Variants in KCNN2 observed in about 807,000 individuals in gnomAD.
KCNN2 encodes the protein small conductance calcium-activated potassium channel protein 2.
In KCNN2, 24 loss-of-function variants were observed where a neutral mutation model predicts 55.5. That is an observed-to-expected ratio of 0.43 (90% CI 0.31 to 0.61). The LOEUF (loss-of-function observed/expected upper bound fraction) is 0.61. Ranked by LOEUF, KCNN2 falls within the 20% of genes least tolerant of loss-of-function variation. KCNN2 has a pLI of 0.08. For synonymous variants in KCNN2, 431 were observed against 336.1 expected (o/e 1.28, Z -3.09); for missense variants, 754 against 853.6 (o/e 0.88, Z 1.45).
intron 3 of KCNN2, among the ~76,000 whole-genome samples, chr5:114,454,645 A>G (rs1053189659): frequency 6.6e-6 from 1 of 152,180 alleles, no homozygotes; most frequent in Admixed American, 6.5e-5. Flanking sequence ...TAAGGCCCCA[A>G]ACATTTCTTC....
chr5:114,148,110 C>A (rs550649453), intron 1 of KCNN2, among the ~76,000 whole-genome samples: 3 of 152,170 alleles, frequency 2.0e-5, no homozygotes, highest in Admixed American at 6.5e-5. Context: ...CCATTCATAT[C>A]TAGCTGTAGG....
At chr5:114,486,978 T>G in intron 5 of KCNN2, 72 bp from the exon 6 acceptor site, 1 of 1,550,286 alleles carries the variant, frequency 6.5e-7, no homozygotes, top group Non-Finnish European at 8.9e-7. Flanking sequence ...GGATGAAGAC[T>G]ATGACCCCCA....
In KCNN2 at chr5:114,271,323, C is replaced by T. The variant is rs531291440; in HGVS notation, c.-185+49758C>T. Reference sequence around the variant, plus strand: ...CTGATTGGTGCATTTTTACAGAGTGCTGATTGGTGTGTTTACAAACTTTTA... The same window carrying T: ...CTGATTGGTGCATTTTTACAGAGTGTTGATTGGTGTGTTTACAAACTTTTA... On this transcript the variant is annotated intron_variant, in intron 2 of 10. Coordinates refer to the KCNN2 transcript ENST00000512097. 1.8e-4 allele frequency among the ~76,000 whole-genome samples: 27 copies of T among 152,216 alleles called. 1 individual carries two copies. The highest frequency in any genetic ancestry group is 5.2e-4 in the Admixed American group (8 of 15,278).
chr5:114,411,874 T>A (rs1315091965), intron 3 of KCNN2, among the ~76,000 whole-genome samples: 2 of 152,172 alleles, frequency 1.3e-5, no homozygotes, highest in African/African-American at 4.8e-5. Context: ...TTAATCTAGT[T>A]AAGTTGACAC....
At chr5:114,213,155 T>C (rs1045542469) in intron 1 of KCNN2, among the ~76,000 whole-genome samples, 4 of 152,046 alleles carry the variant, frequency 2.6e-5, no homozygotes, top group Admixed American at 1.3e-4. Flanking sequence ...CCATAGTTGA[T>C]AATATTCAGG....
chr5:114,298,076 G>A (rs746573260), intron 2 of KCNN2, among the ~76,000 whole-genome samples: 6 of 152,192 alleles, frequency 3.9e-5, no homozygotes, highest in Non-Finnish European at 7.3e-5. Context: ...TTGCTTAAAA[G>A]GTACCTGATA....
At chr5:114,493,280 C>G (rs1039509816) in intron 6 of KCNN2, 123 bp from the exon 7 acceptor site, 2 of 757,680 alleles carry the variant, frequency 2.6e-6, no homozygotes, top group Non-Finnish European at 4.9e-6. Flanking sequence ...GGACTTACCC[C>G]AAATGTTCAA....
chr5:114,410,633 A>G (rs990731204), intron 3 of KCNN2, among the ~76,000 whole-genome samples: 3 of 152,090 alleles, frequency 2.0e-5, no homozygotes, highest in African/African-American at 7.2e-5. Context: ...TTTTTGACAT[A>G]GGTTTGTAAT....
At chr5:114,409,106 A>T (rs1759038165) in intron 3 of KCNN2, among the ~76,000 whole-genome samples, 1 of 152,226 alleles carries the variant, frequency 6.6e-6, no homozygotes, top group African/African-American at 2.4e-5. Flanking sequence ...GAGTGACCTC[A>T]GGCCAAACAT....
At chr5:114,350,167 T>G (rs1757182133) in intron 2 of KCNN2, among the ~76,000 whole-genome samples, 1 of 152,030 alleles carries the variant, frequency 6.6e-6, no homozygotes, top group South Asian at 2.1e-4. Flanking sequence ...GGATACAGTA[T>G]GATGTTTCGA....
chr5:114,489,604 A>G (rs1747750379), intron 6 of KCNN2, among the ~76,000 whole-genome samples: 1 of 152,194 alleles, frequency 6.6e-6, no homozygotes, highest in East Asian at 1.9e-4. Flanking sequence ...GGTTTCCATT[A>G]CAGTGGGGGA....
intron 1 of KCNN2, among the ~76,000 whole-genome samples, chr5:114,185,477 C>T (rs1580599292): frequency 6.6e-6 from 1 of 152,182 alleles, no homozygotes. Context: ...GGGAGGAGCC[C>T]GGCCTCTCCT....
chr5:114,389,243 G>A (rs1758386779), intron 2 of KCNN2, among the ~76,000 whole-genome samples: 1 of 152,008 alleles, frequency 6.6e-6, no homozygotes, highest in Admixed American at 6.6e-5. Flanking sequence ...CTGAAAACAA[G>A]GGCCTTAGAT....
chr5:114,364,003 T>A lies in KCNN2; in HGVS notation c.1218+2T>A. ...GTGTACCACGCCAGGGAAATACAGG[T>A]AACTTAGGTCCTGCTGTTTATGAAT... On this transcript the variant is annotated splice_donor_variant, in intron 2 of 7. Coordinates refer to ENST00000673685, the MANE Select transcript of KCNN2 (RefSeq NM_021614.4). LOFTEE classifies it high-confidence loss of function. 6.2e-7 allele frequency: 1 copy of A among 1,609,012 alleles called. No individual in the cohort carries two copies. The highest frequency in any genetic ancestry group is 1.7e-5 in the Admixed American group (1 of 60,020).
chr5:114,382,881 C>T (rs1305614722), intron 2 of KCNN2, among the ~76,000 whole-genome samples: 1 of 152,160 alleles, frequency 6.6e-6, no homozygotes, highest in Non-Finnish European at 1.5e-5. Context: ...GAATTTCTGT[C>T]TGGGTTGTTG....
intron 2 of KCNN2, among the ~76,000 whole-genome samples, chr5:114,390,209 C>T (rs748467318): frequency 6.6e-6 from 1 of 152,124 alleles, no homozygotes; most frequent in African/African-American, 2.4e-5. Flanking sequence ...GAATCAAACA[C>T]GTTGGCTTAT....
chr5:114,265,866 C>T (rs1477857995), intron 2 of KCNN2, among the ~76,000 whole-genome samples: 1 of 152,098 alleles, frequency 6.6e-6, no homozygotes, highest in African/African-American at 2.4e-5. Flanking sequence ...TTGCCAGGCA[C>T]TGGAAAAGAT....
At chr5:114,115,949 A>G (rs1186221088) in intron 1 of KCNN2, among the ~76,000 whole-genome samples, 1 of 152,176 alleles carries the variant, frequency 6.6e-6, no homozygotes, top group Non-Finnish European at 1.5e-5. Flanking sequence ...GCATACATGT[A>G]GATGAGAATG....
At chr5:114,063,724 A>G (rs1184885043) in intron 1 of KCNN2, among the ~76,000 whole-genome samples, 1 of 152,148 alleles carries the variant, frequency 6.6e-6, no homozygotes, top group Admixed American at 6.5e-5. Flanking sequence ...TTTGACCCAG[A>G]CCATCCTGAT....
Sources: allele counts gnomAD v4.1 joint callset (sites outside exome capture counted in the v4.1 genomes callset), GRCh38; gene constraint gnomAD v4.1.1; transcripts MANE v1.5; gene names NCBI Gene and HGNC (gene_info 2026-07-23, HGNC 2026-07-21).